RARB: variants seen among roughly 807,000 people sequenced by gnomAD.
RARB encodes the protein HBV-activated protein.
Under a neutral mutation model 51.9 loss-of-function variants are expected in RARB, and 17 were observed. That is an observed-to-expected ratio of 0.33 (90% CI 0.22 to 0.49). RARB has a LOEUF of 0.49. Among genes scored for constraint, RARB ranks in the 20% least tolerant of loss-of-function variants. The pLI is 0.99. For missense variants in RARB, 369 were observed against 550.8 expected (o/e 0.67, Z 3.30); for synonymous variants, 215 against 195.4 (o/e 1.10, Z -0.84).
intron 3 of RARB, among the ~76,000 whole-genome samples, chr3:25,072,540 T>C (rs1698788628): frequency 6.6e-6 from 1 of 152,004 alleles, no homozygotes; most frequent in Non-Finnish European, 1.5e-5. Flanking sequence ...AACACAAGAT[T>C]CCCATACTAT....
At chr3:24,973,076 C>G (rs1041381769) in intron 2 of RARB, among the ~76,000 whole-genome samples, 1 of 152,004 alleles carries the variant, frequency 6.6e-6, no homozygotes, top group Non-Finnish European at 1.5e-5. Flanking sequence ...AAGCATTTCC[C>G]CAAAAGTTTC....
intron 2 of RARB, among the ~76,000 whole-genome samples, chr3:25,011,569 CACTT>C (rs1697395104): frequency 6.6e-6 from 1 of 152,108 alleles, no homozygotes; most frequent in African/African-American, 2.4e-5. Flanking sequence ...AGGTCAAGTG[CACTT>C]ACTTTCTTAG....
chr3:25,242,140 C>A (rs986287627), intron 5 of RARB, among the ~76,000 whole-genome samples: 13 of 152,084 alleles, frequency 8.5e-5, no homozygotes, highest in African/African-American at 2.9e-4. Context: ...ATCCTTCCCC[C>A]ACTTTTCAAT....
chr3:24,907,855 A>T (rs1694899130), intron 2 of RARB, among the ~76,000 whole-genome samples: 1 of 152,126 alleles, frequency 6.6e-6, no homozygotes, highest in Admixed American at 6.5e-5. Context: ...CAATATAGGG[A>T]TCTAGTAAGC....
intron 2 of RARB, among the ~76,000 whole-genome samples, chr3:25,497,744 C>A (rs543093021): frequency 6.6e-6 from 1 of 152,258 alleles, no homozygotes; most frequent in African/African-American, 2.4e-5. Flanking sequence ...GGTTGCTCCT[C>A]CAAATGGGAC....
At chr3:24,892,354 A>C (rs1348919723) in intron 2 of RARB, among the ~76,000 whole-genome samples, 1 of 152,116 alleles carries the variant, frequency 6.6e-6, no homozygotes, top group African/African-American at 2.4e-5. Flanking sequence ...AAGGAAGCTG[A>C]ATCTATCACT....
intron 5 of RARB, among the ~76,000 whole-genome samples, chr3:25,191,994 C>T (rs1010712956): frequency 9.2e-5 from 14 of 151,968 alleles, no homozygotes; most frequent in African/African-American, 1.9e-4. Context: ...TATCGAATCA[C>T]GGCAGTTATT....
intron 3 of RARB, among the ~76,000 whole-genome samples, chr3:25,522,913 A>G (rs1410818661): frequency 2.0e-5 from 3 of 152,188 alleles, no homozygotes; most frequent in Non-Finnish European, 4.4e-5. Flanking sequence ...TGAGGGACAA[A>G]TGGACACCTG....
At chr3:25,310,948 A>G (rs934778018) in intron 5 of RARB, among the ~76,000 whole-genome samples, 12 of 152,166 alleles carry the variant, frequency 7.9e-5, no homozygotes, top group African/African-American at 2.2e-4. Context: ...TGAACTGCAC[A>G]CTCTGGAAAT....
chr3:25,007,706 G>A lies in RARB; in HGVS notation c.-379-52419G>A, dbSNP rs558233860. ...ATGAGTACTGCCTTATAAGACTCAA[G>A]TACCCACCACACAATAAATATTCTC... On this transcript the variant is annotated intron_variant, in intron 2 of 11. Transcript: ENST00000383772. Among the ~76,000 whole-genome samples, 3 of 151,276 alleles carry A rather than the reference G, an allele frequency of 2.0e-5. No individual in the cohort carries two copies. The East Asian group carries it at 5.9e-4, about 30-fold the overall frequency.
At chr3:25,044,872 C>T (rs1250807621) in intron 2 of RARB, among the ~76,000 whole-genome samples, 2 of 152,164 alleles carry the variant, frequency 1.3e-5, no homozygotes, top group Non-Finnish European at 2.9e-5. Flanking sequence ...CCCCAGACAG[C>T]AGTCCTGTCT....
rs546985883 is a variant in RARB, at chr3:25,472,485, G to C, written c.306+11144G>C. Among the ~76,000 whole-genome samples, 87 of 152,290 alleles carry C rather than the reference G, an allele frequency of 5.7e-4. 1 individual carries two copies. In the South Asian group the frequency reaches 0.018, roughly 31 times the overall value. On this transcript the variant is annotated intron_variant, in intron 2 of 7. Transcript: ENST00000330688. ...AAAGAAATTATGGATTTGGTGAAGAGCTAAGTTTCTACCATAGGTTTTTTT... is the reference window on the plus strand; with the variant it reads ...AAAGAAATTATGGATTTGGTGAAGACCTAAGTTTCTACCATAGGTTTTTTT...
intron 2 of RARB, among the ~76,000 whole-genome samples, chr3:25,013,266 C>G (rs577598665): frequency 6.6e-6 from 1 of 152,098 alleles, no homozygotes. Context: ...AATCTCAGAG[C>G]TATCTCAGAC....
intron 3 of RARB, among the ~76,000 whole-genome samples, chr3:25,520,910 C>T (rs1201069057): frequency 6.6e-6 from 1 of 152,206 alleles, no homozygotes; most frequent in Non-Finnish European, 1.5e-5. Context: ...GGACTTCAAG[C>T]AAGAACAGTA....
chr3:25,548,089 T>G (rs2125663814), intron 3 of RARB, among the ~76,000 whole-genome samples: 1 of 149,816 alleles, frequency 6.7e-6, no homozygotes, highest in South Asian at 2.1e-4. Flanking sequence ...GTCATTTCTG[T>G]GATTCATTTG....
At chr3:25,176,036 A>T (rs1431394894) in intron 5 of RARB, among the ~76,000 whole-genome samples, 1 of 152,164 alleles carries the variant, frequency 6.6e-6, no homozygotes, top group Non-Finnish European at 1.5e-5. Context: ...AGCCATTAAA[A>T]TTTTACCTAT....
At chr3:25,386,930 G>T (rs1011928130) in intron 5 of RARB, among the ~76,000 whole-genome samples, 1 of 152,178 alleles carries the variant, frequency 6.6e-6, no homozygotes, top group African/African-American at 2.4e-5. Context: ...TTCTGTGGGC[G>T]TAGGCAATTT....
intron 3 of RARB, among the ~76,000 whole-genome samples, chr3:25,130,814 T>G (rs1313380969): frequency 1.3e-5 from 2 of 151,052 alleles, no homozygotes; most frequent in African/African-American, 4.9e-5. Context: ...CTGGAAATTT[T>G]GAATTAATGA....
intron 5 of RARB, among the ~76,000 whole-genome samples, chr3:25,404,565 A>G (rs568633582): frequency 2.4e-4 from 37 of 152,308 alleles, no homozygotes; most frequent in African/African-American, 8.9e-4. Flanking sequence ...TCCAGGAATT[A>G]TGAAAAGGAA....
Sources: gnomAD v4.1 joint callset for allele counts (sites outside exome capture counted in the v4.1 genomes callset) on GRCh38, gnomAD v4.1.1 for gene constraint, MANE v1.5 for transcripts, NCBI Gene and HGNC (gene_info 2026-07-23, HGNC 2026-07-21) for gene names.